The following TOLLIP variants were observed in gnomAD, a reference collection of about 807,000 sequenced individuals.
The protein encoded by TOLLIP is toll interacting protein.
In TOLLIP, 16 loss-of-function variants were observed where a neutral mutation model predicts 33.5. That is an observed-to-expected ratio of 0.48 (90% confidence interval 0.32 to 0.72). TOLLIP has a LOEUF of 0.72. Ranked by LOEUF, TOLLIP falls within the 30% of genes least tolerant of loss-of-function variation. The pLI is 0.03. For synonymous variants in TOLLIP, 176 were observed against 163.7 expected, an observed-to-expected ratio of 1.07 and a Z score of -0.57; for missense variants, 325 against 396.6, an observed-to-expected ratio of 0.82 and a Z score of 1.53.
chr11:1,285,960 T>G, intron 5 of TOLLIP, 42 bp downstream of exon 5: 1 of 1,507,218 alleles, frequency 6.6e-7, no homozygotes, highest in East Asian at 2.4e-5. Context: ...GGCCCTGGGG[T>G]TTCTACCAGG....
At chr11:1,284,756 T>C (rs1863631038) in intron 5 of TOLLIP, among the ~76,000 whole-genome samples, 1 of 152,168 alleles carries the variant, frequency 6.6e-6, no homozygotes, top group Non-Finnish European at 1.5e-5. Context: ...GCGGGCGGCT[T>C]CACATGGAAA....
Position 1,278,465 on chromosome 11 carries a change from C to T in TOLLIP, c.611-1212G>A, listed in dbSNP as rs1863382908. On this transcript the variant is annotated intron_variant, in intron 5 of 5. Coordinates refer to ENST00000317204, the MANE Select transcript of TOLLIP (RefSeq NM_019009.4). This position sits in a 1 kb window ranked among gnomAD's most constrained non-coding sequence, Gnocchi z 4.7. Reference sequence around the variant, plus strand: ...TCCTGGCCTGAACCAACACCAGCAACAAGACCTGCAGGGGTGTAAACGGAG... The same window carrying T: ...TCCTGGCCTGAACCAACACCAGCAATAAGACCTGCAGGGGTGTAAACGGAG... Among the ~76,000 whole-genome samples, 1 of 152,160 alleles carries T rather than the reference C, an allele frequency of 6.6e-6. No homozygotes were observed. The highest frequency in any genetic ancestry group is 1.5e-5 in the Non-Finnish European group (1 of 68,038).
At chr11:1,307,527 T>C (rs952126484) in intron 1 of TOLLIP, among the ~76,000 whole-genome samples, 19 of 152,254 alleles carry the variant, frequency 1.2e-4, no homozygotes, top group Admixed American at 2.0e-4. Context: ...CCCAGTGGGG[T>C]TCCAGATGAG....
intron 5 of TOLLIP, among the ~76,000 whole-genome samples, chr11:1,282,436 A>G (rs1330393173): frequency 1.6e-3 from 236 of 143,406 alleles, no homozygotes; most frequent in Middle Eastern, 8.8e-3. Flanking sequence ...AAACCTGCAC[A>G]TTGCGCACAT....
At chr11:1,279,420 C>T (rs1863420592) in intron 5 of TOLLIP, among the ~76,000 whole-genome samples, 1 of 152,198 alleles carries the variant, frequency 6.6e-6, no homozygotes, top group Non-Finnish European at 1.5e-5. Context: ...GAACGGTGAG[C>T]GTATGTGTCA....
chr11:1,305,638 A>G (rs575235677), intron 1 of TOLLIP, among the ~76,000 whole-genome samples: 2 of 152,296 alleles, frequency 1.3e-5, no homozygotes, highest in African/African-American at 4.8e-5. Context: ...TGCCATCCCT[A>G]ATGAAGTCAC....
intron 1 of TOLLIP, among the ~76,000 whole-genome samples, chr11:1,297,411 T>G (rs892583032): frequency 2.0e-5 from 3 of 152,026 alleles, no homozygotes; most frequent in Non-Finnish European, 2.9e-5. Context: ...CCAATGTGAG[T>G]AAACAGAAGG....
rs563033782 is a variant in TOLLIP at position 1,278,981 on chromosome 11, C to T, written c.611-1728G>A. Among the ~76,000 whole-genome samples the T allele has an allele frequency of 2.5e-4, 38 of 152,284 alleles. No homozygotes were observed. Among genetic ancestry groups the T allele is most frequent in the Non-Finnish European group, 4.0e-4 (27 of 68,024 alleles). On this transcript the variant is annotated intron_variant, in intron 5 of 5. Transcript: ENST00000317204. This position sits in a 1 kb window ranked among gnomAD's most constrained non-coding sequence, Gnocchi z 4.7. ...AACAAGAGGAATGGGGCTCGGCCAT[C>T]GCCTGTCCCTGCCCACACGTCTCCC...
Position 1,276,920 on chromosome 11 carries a change from C to A in TOLLIP, c.*119G>T. 1 of 1,571,398 alleles carries A rather than the reference C, an allele frequency of 6.4e-7. No homozygotes were observed. The highest frequency in any genetic ancestry group is 8.6e-7 in the Non-Finnish European group (1 of 1,159,272). On this transcript the variant is annotated 3_prime_UTR_variant, in exon 6 of 6. Coordinates refer to ENST00000317204, the MANE Select transcript of TOLLIP (RefSeq NM_019009.4). ...GTGTGGACGGGGCGGCACAGAAGTC[C>A]ACGGGAGGGGGCGACACGGGTGCTC...
rs1202660177 is a variant in TOLLIP at position 1,290,228 on chromosome 11, T to C, written c.365A>G (p.Glu122Gly). 1 of 1,612,672 alleles carries C rather than the reference T, an allele frequency of 6.2e-7. No individual in the cohort carries two copies. The highest frequency in any genetic ancestry group is 1.3e-5 in the African/African-American group (1 of 74,886). Residue 122 changes from glutamate to glycine, a missense_variant and splice_region_variant, in exon 3 of 6, where the codon GAG becomes GGG. Glu to Gly is a moderately conservative substitution (Grantham distance 98). Transcript: ENST00000317204. This position sits in a 1 kb window ranked among gnomAD's most constrained non-coding sequence, Gnocchi z 4.9. ...VDSFYLEIFD[E>G]RAFSMDDRIA... The stretch of plus-strand genomic sequence containing the variant: ...TAATAGCTGGCACGTCCCTCTCACC[T>C]CATCGAAGATCTCGAGATAGAAAGA...
chr11:1,304,137 G>A (rs1186758696), intron 1 of TOLLIP, among the ~76,000 whole-genome samples: 2 of 151,936 alleles, frequency 1.3e-5, no homozygotes, highest in Admixed American at 6.6e-5. Context: ...AAGGAAAGCC[G>A]GAGGAAGGGA....
At chr11:1,284,212 C>T (rs1380252917) in intron 5 of TOLLIP, among the ~76,000 whole-genome samples, 2 of 152,198 alleles carry the variant, frequency 1.3e-5, no homozygotes, top group Non-Finnish European at 2.9e-5. Flanking sequence ...GGCTCTTCCA[C>T]TTACCCAGAT....
intron 4 of TOLLIP, among the ~76,000 whole-genome samples, chr11:1,288,188 C>A (rs996140366): frequency 6.6e-6 from 1 of 152,182 alleles, no homozygotes; most frequent in African/African-American, 2.4e-5. Flanking sequence ...CCAGAGATGC[C>A]CTGCCACACC....
At chr11:1,299,923 C>T (rs371574523) in intron 1 of TOLLIP, among the ~76,000 whole-genome samples, 8 of 152,154 alleles carry the variant, frequency 5.3e-5, no homozygotes, top group Non-Finnish European at 1.0e-4. Flanking sequence ...ACTCGGGGGA[C>T]GGAGGCGGAG....
intron 5 of TOLLIP, among the ~76,000 whole-genome samples, chr11:1,279,070 T>C (rs1238755044): frequency 1.3e-5 from 2 of 152,180 alleles, no homozygotes; most frequent in Non-Finnish European, 2.9e-5. Context: ...TTTACCAGTC[T>C]GATGGGGAAG....
chr11:1,300,210 T>C (rs1864228433), intron 1 of TOLLIP, among the ~76,000 whole-genome samples: 1 of 152,220 alleles, frequency 6.6e-6, no homozygotes, highest in African/African-American at 2.4e-5. Flanking sequence ...TTATAAATAT[T>C]AGTCTGTTTT....
At chr11:1,281,182 G>GT (rs1315201179) in intron 5 of TOLLIP, among the ~76,000 whole-genome samples, 1 of 152,156 alleles carries the variant, frequency 6.6e-6, no homozygotes. Context: ...ATAATACTTT[G>GT]TTTAAAAAAA....
At chr11:1,300,448 T>C (rs1864236169) in intron 1 of TOLLIP, among the ~76,000 whole-genome samples, 1 of 152,254 alleles carries the variant, frequency 6.6e-6, no homozygotes, top group South Asian at 2.1e-4. Flanking sequence ...AGTTTTAGTT[T>C]TGGCACAGAA....
chr11:1,307,775 G>A (rs1001767604), intron 1 of TOLLIP, among the ~76,000 whole-genome samples: 3 of 152,184 alleles, frequency 2.0e-5, no homozygotes, highest in Non-Finnish European at 4.4e-5. Flanking sequence ...ATCAGAGGCC[G>A]TCCAGGACCT....
Sources: gnomAD v4.1 joint callset for allele counts (sites outside exome capture counted in the v4.1 genomes callset) on GRCh38, gnomAD v4.1.1 for gene constraint, Gnocchi (gnomAD v3.1) non-coding constraint, MANE v1.5 for transcripts, NCBI Gene and HGNC (gene_info 2026-07-23, HGNC 2026-07-21) for gene names.